The following TTN variants were observed in gnomAD, a reference collection of about 807,000 sequenced individuals.
The protein encoded by TTN is titin.
In TTN, 1,525 loss-of-function variants were observed where a neutral mutation model predicts 3,223.0. That is an observed-to-expected ratio of 0.47 (90% CI 0.45 to 0.49). The LOEUF (loss-of-function observed/expected upper bound fraction) is 0.49. Ranked by LOEUF, TTN falls within the 20% of genes least tolerant of loss-of-function variation. The probability of loss-of-function intolerance (pLI) is 0.00; values close to 1 mark genes in which losing one functional copy is unlikely to be tolerated. For synonymous variants in TTN, 14,094 were observed against 15,161.0 expected, an observed-to-expected ratio of 0.93 and a Z score of 5.17; for missense variants, 40,786 against 43,424.0, an observed-to-expected ratio of 0.94 and a Z score of 5.40.
Position 178,777,924 on chromosome 2 carries a change from T to A in TTN, c.4260A>T (p.Ala1420=). ...GAGACATCCTTGCAGGTGACATCCG[T>A]GCAGGAGACATGCGTATAGGAGACC... ...VSRSPIRMSP[A]RMSPARMSPA... Residue 1420 remains alanine, a synonymous_variant, in exon 25 of 363, where the codon GCA becomes GCT. Transcript: ENST00000589042. 1 of 1,613,994 alleles carries A rather than the reference T, an allele frequency of 6.2e-7. No individual in the cohort carries two copies. Among genetic ancestry groups the A allele is most frequent in the Non-Finnish European group, 8.5e-7 (1 of 1,179,932 alleles).
chr2:178,707,395 C>G, intron 100 of TTN, 131 bp downstream of exon 100: 2 of 1,049,708 alleles, frequency 1.9e-6, no homozygotes, highest in Non-Finnish European at 2.6e-6. Flanking sequence ...TAATAAGGAG[C>G]CTACAAATTG....
rs572793448 is a variant in TTN at position 178,551,131 on chromosome 2, C to T, written c.91400G>A (p.Arg30467His). 22 of 1,613,522 alleles carry T rather than the reference C, an allele frequency of 1.4e-5. No individual in the cohort carries two copies. The African/African-American group carries it at 2.1e-4, about 16-fold the overall frequency. ...GTCAGTAAAGTTGCATCTCACCCAG[C>T]GTTCATTTCCTTGCCGTTTCTCAAT... is the stretch of plus-strand genomic sequence containing the variant. The part of the protein sequence containing the change: ...YSIEKRQGNE[R>H]WVRCNFTDVS... Residue 30467 changes from arginine (R) to histidine (H), a missense_variant, in exon 336 of 363, where the codon CGC becomes CAC. Transcript: ENST00000589042.
Position 178,620,509 on chromosome 2 carries a change from C to T in TTN, c.46012G>A (p.Gly15338Ser). 6.2e-7 allele frequency: 1 copy of T among 1,612,334 alleles called. No homozygotes were observed. The highest frequency in any genetic ancestry group is 8.5e-7 in the Non-Finnish European group (1 of 1,178,970). The part of the protein sequence containing the change: ...LNVTLKWTKN[G>S]EEVPFDNRVS... Reference sequence around the variant, plus strand: ...CGGTTGTCAAAAGGCACTTCTTCACCATTTTTGGTCCACTTCAGTGTTACA... The same window carrying T: ...CGGTTGTCAAAAGGCACTTCTTCACTATTTTTGGTCCACTTCAGTGTTACA... The change falls in exon 248 of 363, where the codon GGT (glycine) becomes AGT (serine). Residue 15338 changes from glycine to serine, a missense_variant. By Grantham distance (56) the Gly-to-Ser change is moderately conservative (BLOSUM62 0). Coordinates refer to ENST00000589042, the MANE Select transcript of TTN (RefSeq NM_001267550.2).
At position 178,609,261 on chromosome 2, in the gene TTN, T is replaced by G; in HGVS notation, c.52049A>C (p.Lys17350Thr). 1 of 1,541,096 alleles carries G rather than the reference T, an allele frequency of 6.5e-7. No individual in the cohort carries two copies. The stretch of plus-strand genomic sequence containing the variant: ...TGCAATACCGTGGTCATTTTCAACT[T>G]TGATCATATACAGACCATGGTCAGG... ...LRPDHGLYMI[K>T]VENDHGIAKA... Residue 17350 changes from lysine (K) to threonine (T), a missense_variant, in exon 273 of 363, where the codon AAA (lysine) becomes ACA (threonine). Transcript: ENST00000589042.
At chr2:178,699,796 G>A (rs1461266958) in intron 111 of TTN, among the ~76,000 whole-genome samples, 4 of 142,322 alleles carry the variant, frequency 2.8e-5, no homozygotes, top group Non-Finnish European at 6.0e-5. Context: ...GCTCGATCTC[G>A]GCTCATTGCA....
rs1697361370 is a variant in TTN at position 178,546,786 on chromosome 2, C to T, written c.94642G>A (p.Val31548Ile). ...VVGYIIERKP[V>I]SEVGDGRWLK... Reference sequence around the variant, plus strand: ...CAGCGACCATCTCCTACCTCACTGACTGGCTTACGCTCTATGATGTAGCCC... The same window carrying T: ...CAGCGACCATCTCCTACCTCACTGATTGGCTTACGCTCTATGATGTAGCCC... Residue 31548 changes from valine to isoleucine, a missense_variant, in exon 341 of 363, where the codon GTC (valine) becomes ATC (isoleucine). Transcript: ENST00000589042. 3.1e-6 allele frequency: 5 copies of T among 1,613,606 alleles called. No homozygotes were observed. The highest frequency in any genetic ancestry group is 1.7e-5 in the Admixed American group (1 of 59,982).
Position 178,590,398 on chromosome 2 carries a change from A to G in TTN, c.61327T>C (p.Tyr20443His), listed in dbSNP as rs781630562. The stretch of plus-strand genomic sequence containing the variant: ...TTAGCTGCCTTTATACGGAATCTGT[A>G]CTCATTTCCTTCAATTAGTCCAGGT... Reference protein sequence around the residue: ...RVPGLIEGNEYRFRIKAANIV... With the variant: ...RVPGLIEGNEHRFRIKAANIV... Residue 20443 changes from tyrosine (Y) to histidine (H), a missense_variant, in exon 304 of 363, where the codon TAC becomes CAC. Coordinates refer to ENST00000589042, the MANE Select transcript of TTN (RefSeq NM_001267550.2). 3.2e-5 allele frequency: 52 copies of G among 1,605,400 alleles called. No individual in the cohort carries two copies. Among genetic ancestry groups the G allele is most frequent in the Non-Finnish European group, 4.1e-5 (48 of 1,176,456 alleles).
chr2:178,648,624 G>T (rs774204922), intron 213 of TTN, among the ~76,000 whole-genome samples: 1 of 152,046 alleles, frequency 6.6e-6, no homozygotes, highest in Non-Finnish European at 1.5e-5. Context: ...TGGCCAGGCT[G>T]GTCTTGAACT....
At chr2:178,742,049 A>G in intron 47 of TTN, 128 bp from the exon 48 acceptor site, 1 of 743,950 alleles carries the variant, frequency 1.3e-6, no homozygotes, top group Non-Finnish European at 1.8e-6. Context: ...GATTATTCCA[A>G]GATTAATGTA....
In TTN at chr2:178,581,709, G is replaced by A. The variant is rs1160117316; in HGVS notation, c.66559C>T (p.Pro22187Ser). 1 of 1,611,026 alleles carries A rather than the reference G, an allele frequency of 6.2e-7. No individual in the cohort carries two copies. Among genetic ancestry groups the A allele is most frequent in the Non-Finnish European group, 8.5e-7 (1 of 1,178,588 alleles). Residue 22187 changes from proline (P) to serine (S), a missense_variant, in exon 316 of 363, where the codon CCT becomes TCT. Transcript: ENST00000589042. Reference sequence around the variant, plus strand: ...ACTTCAACGAGATAACCAATGATAGGGCTGCCGCCGTCATAGGCTGGCTTG... The same window carrying A: ...ACTTCAACGAGATAACCAATGATAGAGCTGCCGCCGTCATAGGCTGGCTTG... ...WGKPAYDGGS[P>S]IIGYLVEVKR...
chr2:178,612,801 A>G lies in TTN; in HGVS notation c.49920T>C (p.Ser16640=). The change falls in exon 265 of 363, where the codon AGT becomes AGC. Residue 16640 remains serine, a synonymous_variant. Coordinates refer to ENST00000589042, the MANE Select transcript of TTN (RefSeq NM_001267550.2). ...GCTTCTCCCGGCAAAGCACAGGGTC[A>G]CTGGGTTCACTGGGTTCACTTTCCC... The part of the protein sequence containing the change: ...KAGESEPSEP[S]DPVLCREKLY... 6.2e-7 allele frequency: 1 copy of G among 1,611,844 alleles called. No homozygotes were observed. Among genetic ancestry groups the G allele is most frequent in the Non-Finnish European group, 8.5e-7 (1 of 1,178,954 alleles).
intron 3 of TTN, 120 bp downstream of exon 3, chr2:178,802,018 C>A: frequency 8.1e-7 from 1 of 1,238,812 alleles, no homozygotes; most frequent in South Asian, 1.2e-5. Flanking sequence ...CTCCAGTAGA[C>A]CCTTCTGTAG....
intron 8 of TTN, 95 bp from the exon 9 acceptor site, chr2:178,793,636 T>TA: frequency 6.4e-7 from 1 of 1,562,912 alleles, no homozygotes; most frequent in Non-Finnish European, 8.7e-7. Context: ...AATCCTCTAC[T>TA]AAAAAATACA....
intron 43 of TTN, among the ~76,000 whole-genome samples, chr2:178,760,365 C>T (rs183623014): frequency 2.2e-4 from 34 of 152,182 alleles, no homozygotes; most frequent in Admixed American, 5.9e-4. Flanking sequence ...CCTAGTCTCT[C>T]CTGAAAATAC....
rs2057875651 is a variant in TTN, at chr2:178,619,186, AAATC to A, written c.46697-337_46697-334del. On this transcript the variant is annotated intron_variant, in intron 250 of 362. Transcript: ENST00000589042. ...GTAGGCACTGCATACTTAGTTCAATAAATCAGAGAAACTTTTTTCTTATGAATGA... is the reference window on the plus strand; with the variant it reads ...GTAGGCACTGCATACTTAGTTCAATAAGAGAAACTTTTTTCTTATGAATGA... 1.3e-5 allele frequency: 5 copies of A among 370,654 alleles called. No homozygotes were observed. In the South Asian group the frequency reaches 1.6e-4, roughly 12 times the overall value. The allele number at this position is 370,654 out of a possible 1,614,324, so 23.0% of individuals were successfully genotyped here.
rs867921731 is a variant in TTN at position 178,713,239 on chromosome 2, C to T, written c.26895G>A (p.Glu8965=). The T allele has an allele frequency of 1.9e-6, 3 of 1,613,280 alleles. No individual in the cohort carries two copies. Among genetic ancestry groups the T allele is most frequent in the Non-Finnish European group, 2.5e-6 (3 of 1,179,590 alleles). The part of the protein sequence containing the change: ...ISVSWFHEGN[E]ISSGRKYQTT... ...TCTGGTATTTCCTTCCACTACTGAT[C>T]TCATTTCCTTCATGGAACCAGGAGA... Residue 8965 remains glutamate, a synonymous_variant, in exon 93 of 363, where the codon GAG becomes GAA. Transcript: ENST00000589042.
In TTN at chr2:178,572,740, C is replaced by T. The variant is rs1708683329; in HGVS notation, c.73392G>A (p.Arg24464=). Residue 24464 remains arginine (R), a synonymous_variant, in exon 326 of 363, where the codon CGG becomes CGA. Coordinates refer to ENST00000589042, the MANE Select transcript of TTN (RefSeq NM_001267550.2). ...GRPAPEVKWA[R]DHGESLDKAS... is the part of the protein sequence containing the mutation. Reference sequence around the variant, plus strand: ...CTTTATCTAAAGATTCTCCATGGTCCCGGGCCCACTTCACCTCAGGTGCAG... The same window carrying T: ...CTTTATCTAAAGATTCTCCATGGTCTCGGGCCCACTTCACCTCAGGTGCAG... The T allele has an allele frequency of 2.5e-6, 4 of 1,613,364 alleles. No homozygotes were observed. Among genetic ancestry groups the T allele is most frequent in the South Asian group, 1.1e-5 (1 of 91,070 alleles).
chr2:178,576,737 G>T lies in TTN; in HGVS notation c.69507C>A (p.Ser23169Arg). The T allele has an allele frequency of 1.2e-6, 2 of 1,613,344 alleles. No homozygotes were observed. The highest frequency in any genetic ancestry group is 1.7e-6 in the Non-Finnish European group (2 of 1,179,584). The change falls in exon 325 of 363, where the codon AGC becomes AGA. Residue 23169 changes from serine (S) to arginine (R), a missense_variant. By Grantham distance (110) the Ser-to-Arg change is moderately radical. Transcript: ENST00000589042. This position sits in a 1 kb window ranked among gnomAD's most constrained non-coding sequence, Gnocchi z 4.3. ...SWKRPVDDGG[S>R]EITGYHVERR... ...TTTCTACATGATATCCTGTAATTTC[G>T]CTGCCACCATCATCCACTGGCCTTT...
rs1352050140 is a variant in TTN at position 178,732,920 on chromosome 2, A to G, written c.16256T>C (p.Val5419Ala). 6.2e-7 allele frequency: 1 copy of G among 1,613,374 alleles called. No individual in the cohort carries two copies. The highest frequency in any genetic ancestry group is 8.5e-7 in the Non-Finnish European group (1 of 1,179,690). Residue 5419 changes from valine to alanine, a missense_variant, in exon 55 of 363, where the codon GTA becomes GCA. Transcript: ENST00000589042. ...GAAATTCCCTGCATCATTCATGTCT[A>G]CTCTGATGATCTCCAAAGAGGCTGT... ...EGTASLEIIR[V>A]DMNDAGNFTC...
Sources: gnomAD v4.1 joint callset for allele counts (sites outside exome capture counted in the v4.1 genomes callset) on GRCh38, gnomAD v4.1.1 for gene constraint, Gnocchi (gnomAD v3.1) non-coding constraint, MANE v1.5 for transcripts, NCBI Gene and HGNC (gene_info 2026-07-23, HGNC 2026-07-21) for gene names.